The following ENOX2 variants were observed in gnomAD, a reference collection of about 807,000 sequenced individuals.
ENOX2 encodes the protein ecto-NOX disulfide-thiol exchanger 2.
A neutral mutation model predicts 45.0 loss-of-function variants in ENOX2; 36 were observed. The observed-to-expected ratio is 0.80, with a 90% CI of 0.61 to 1.06. ENOX2 has a LOEUF of 1.06. Among genes scored for constraint, ENOX2 ranks in the 50% least tolerant of loss-of-function variants. The pLI, the probability that ENOX2 is intolerant of heterozygous loss-of-function variation, is 0.00. For synonymous variants in ENOX2, 174 were observed against 152.3 expected, an observed-to-expected ratio of 1.14 and a Z score of -1.05; for missense variants, 423 against 462.5, an observed-to-expected ratio of 0.91 and a Z score of 0.78.
intron 3 of ENOX2, among the ~76,000 whole-genome samples, chrX:130,767,432 A>T (rs1324366492): frequency 9.0e-6 from 1 of 111,388 alleles, no homozygotes; most frequent in African/African-American, 3.3e-5. Flanking sequence ...GGACAATCTC[A>T]CGGAAAATAT....
chrX:130,840,576 A>G (rs1451372646), intron 2 of ENOX2, among the ~76,000 whole-genome samples: 1 of 110,700 alleles, frequency 9.0e-6, no homozygotes, highest in Non-Finnish European at 1.9e-5. Flanking sequence ...ACAGTCTATT[A>G]AAACCCTTGG....
chrX:130,876,047 C>T (rs1386004227), intron 2 of ENOX2, among the ~76,000 whole-genome samples: 1 of 111,518 alleles, frequency 9.0e-6, no homozygotes, highest in African/African-American at 3.3e-5. Flanking sequence ...TTTTTGCCAC[C>T]TCCTCAAAAG....
At chrX:130,645,518 T>C (rs368846321) in intron 10 of ENOX2, among the ~76,000 whole-genome samples, 2 of 113,000 alleles carry the variant, frequency 1.8e-5, no homozygotes, top group African/African-American at 6.4e-5. Flanking sequence ...GCCAAATTAA[T>C]GGAAACATTT....
chrX:130,772,675 A>C (rs1479096494), intron 3 of ENOX2, among the ~76,000 whole-genome samples: 1 of 112,123 alleles, frequency 8.9e-6, no homozygotes, highest in Non-Finnish European at 1.9e-5. Flanking sequence ...CCAGGAACTA[A>C]TCTTGGGCAA....
chrX:130,835,552 GTATAT>G (rs2077915613), intron 2 of ENOX2, among the ~76,000 whole-genome samples: 1 of 111,216 alleles, frequency 9.0e-6, no homozygotes, highest in East Asian at 2.8e-4. Context: ...TAATATGTAT[GTATAT>G]TATGATAGGT....
At chrX:130,771,609 A>G (rs1227392765) in intron 3 of ENOX2, among the ~76,000 whole-genome samples, 1 of 111,865 alleles carries the variant, frequency 8.9e-6, no homozygotes, top group African/African-American at 3.3e-5. Context: ...TCAGGTCCAT[A>G]TATCACTTCC....
chrX:130,734,065 G>A (rs1212059327), intron 3 of ENOX2, among the ~76,000 whole-genome samples: 1 of 112,464 alleles, frequency 8.9e-6, no homozygotes, highest in Non-Finnish European at 1.9e-5. Context: ...TCAGATAGGT[G>A]TCCCAGATTA....
intron 10 of ENOX2, among the ~76,000 whole-genome samples, chrX:130,641,857 G>T (rs1364730282): frequency 2.7e-5 from 3 of 111,173 alleles, no homozygotes; most frequent in African/African-American, 9.8e-5. Flanking sequence ...CCACTGTTGA[G>T]ACCTACTACT....
intron 2 of ENOX2, among the ~76,000 whole-genome samples, chrX:130,819,368 T>C (rs2077552023): frequency 8.9e-6 from 1 of 111,782 alleles, no homozygotes; most frequent in Non-Finnish European, 1.9e-5. Context: ...GGCAATCTCA[T>C]TACTGGGTAT....
intron 2 of ENOX2, among the ~76,000 whole-genome samples, chrX:130,804,751 T>C (rs1314186309): frequency 8.9e-6 from 1 of 111,831 alleles, no homozygotes. Context: ...TCCAGATACA[T>C]TTCTCAACTC....
chrX:130,813,518 G>C (rs2148451994), intron 2 of ENOX2, among the ~76,000 whole-genome samples: 1 of 112,020 alleles, frequency 8.9e-6, no homozygotes, highest in South Asian at 3.8e-4. Flanking sequence ...AATGCAGAAG[G>C]TGGGTGATTT....
At chrX:130,736,459 GT>G (rs2038864081) in intron 3 of ENOX2, among the ~76,000 whole-genome samples, 1 of 111,826 alleles carries the variant, frequency 8.9e-6, no homozygotes. Flanking sequence ...TCAAACATCT[GT>G]TTTTAATTTA....
At chrX:130,789,496 C>T (rs1294182124) in intron 2 of ENOX2, among the ~76,000 whole-genome samples, 1 of 111,961 alleles carries the variant, frequency 8.9e-6, no homozygotes, top group Non-Finnish European at 1.9e-5. Context: ...AAAAGAAACA[C>T]AATGCCACCC....
intron 6 of ENOX2, among the ~76,000 whole-genome samples, chrX:130,670,718 A>AT (rs1414285457): frequency 3.7e-5 from 4 of 107,224 alleles, no homozygotes; most frequent in South Asian, 4.2e-4. Context: ...ACTGTGAGCC[A>AT]TTTTTTTTCT....
At chrX:130,642,776 A>AT (rs368347365) in intron 10 of ENOX2, among the ~76,000 whole-genome samples, 200 of 111,945 alleles carry the variant, frequency 1.8e-3, no homozygotes, top group African/African-American at 5.4e-3. Flanking sequence ...TAGTTAACAC[A>AT]TTTTTTTTAG....
chrX:130,787,063 C>T (rs1347926456), intron 2 of ENOX2, among the ~76,000 whole-genome samples: 2 of 97,304 alleles, frequency 2.1e-5, no homozygotes, highest in African/African-American at 7.6e-5. Context: ...TCTCCAGCAC[C>T]TGTTGTTTCC....
chrX:130,902,243 T>A (rs1402479209), intron 1 of ENOX2, among the ~76,000 whole-genome samples: 1 of 111,754 alleles, frequency 8.9e-6, no homozygotes, highest in Non-Finnish European at 1.9e-5. Flanking sequence ...AGAATAAAGG[T>A]GTGCCCCCTA....
intron 3 of ENOX2, among the ~76,000 whole-genome samples, chrX:130,742,016 G>A (rs781259064): frequency 1.7e-4 from 19 of 111,343 alleles, no homozygotes; most frequent in Non-Finnish European, 3.4e-4. Flanking sequence ...AATGAAGCCT[G>A]GGAAGCCACT....
intron 3 of ENOX2, among the ~76,000 whole-genome samples, chrX:130,778,378 T>C (rs1322544078): frequency 8.9e-6 from 1 of 112,051 alleles, no homozygotes; most frequent in Non-Finnish European, 1.9e-5. Context: ...TCTAGCCTTG[T>C]AGTGCTGTAA....
Sources: allele counts gnomAD v4.1 joint callset (sites outside exome capture counted in the v4.1 genomes callset), GRCh38; gene constraint gnomAD v4.1.1; transcripts MANE v1.5; gene names NCBI Gene and HGNC (gene_info 2026-07-23, HGNC 2026-07-21).